Variants in CENPP observed in about 807,000 individuals in gnomAD.
CENPP encodes the protein centromere protein P.
CENPP carries 24 observed loss-of-function variants against 35.6 expected under a neutral mutation model. The observed-to-expected ratio is 0.67, with a 90% CI of 0.49 to 0.95. The LOEUF is 0.95. Among genes scored for constraint, CENPP ranks in the 40% least tolerant of loss-of-function variants. The probability of loss-of-function intolerance (pLI) is 0.00; values close to 1 mark genes in which losing one functional copy is unlikely to be tolerated. For synonymous variants in CENPP, 120 were observed against 125.5 expected (o/e 0.96, Z 0.29); for missense variants, 332 against 345.3 (o/e 0.96, Z 0.31).
chr9:92,490,912 G>C (rs1846157789), intron 5 of CENPP, among the ~76,000 whole-genome samples: 1 of 152,038 alleles, frequency 6.6e-6, no homozygotes, highest in African/African-American at 2.4e-5. Context: ...AATTTTGCAG[G>C]TTCCTTTCTT....
At chr9:92,605,330 A>T (rs1851046383) in intron 5 of CENPP, among the ~76,000 whole-genome samples, 1 of 151,884 alleles carries the variant, frequency 6.6e-6, no homozygotes, top group African/African-American at 2.4e-5. Flanking sequence ...AAATTTTCGT[A>T]TATGGTGTAC....
intron 5 of CENPP, among the ~76,000 whole-genome samples, chr9:92,548,019 A>G (rs936243408): frequency 6.6e-6 from 1 of 152,248 alleles, no homozygotes; most frequent in Non-Finnish European, 1.5e-5. Context: ...GTGGATATGT[A>G]TGTAAAAAAT....
At chr9:92,403,378 C>T (rs1554758106) in intron 5 of CENPP, 2 of 1,612,734 alleles carry the variant, frequency 1.2e-6, no homozygotes, top group Middle Eastern at 1.7e-4. Flanking sequence ...CAAGCAGTAA[C>T]AGGAGAAGTG....
intron 5 of CENPP, among the ~76,000 whole-genome samples, chr9:92,501,465 G>A (rs1846672383): frequency 6.6e-6 from 1 of 152,186 alleles, no homozygotes; most frequent in Admixed American, 6.5e-5. Flanking sequence ...AGTTTGGTTT[G>A]TTTTGGCTTG....
chr9:92,405,680 A>G (rs1843285717), intron 5 of CENPP, among the ~76,000 whole-genome samples: 2 of 152,222 alleles, frequency 1.3e-5, no homozygotes, highest in Admixed American at 1.3e-4. Flanking sequence ...TTAACAAGAT[A>G]TTGAGAAGTA....
At chr9:92,512,130 G>A (rs1438095448) in intron 5 of CENPP, 1 of 1,606,704 alleles carries the variant, frequency 6.2e-7, no homozygotes, top group Non-Finnish European at 8.5e-7. Flanking sequence ...GAATTGCCTA[G>A]GACACACAGC....
chr9:92,377,799 C>T (rs897446925), intron 4 of CENPP, among the ~76,000 whole-genome samples: 9 of 152,204 alleles, frequency 5.9e-5, no homozygotes, highest in African/African-American at 1.9e-4. Flanking sequence ...TACTTATGTA[C>T]TATCCTGAGG....
chr9:92,387,355 C>T lies in CENPP; in HGVS notation c.564+7496C>T, dbSNP rs574643760. On this transcript the variant is annotated intron_variant, in intron 5 of 7. Coordinates refer to ENST00000375587, the MANE Select transcript of CENPP (RefSeq NM_001012267.3). ...TGTGCCACTGCACTCCAGCCTGGGCCACAGAACGAGACTCCATCTCAAGAA... is the reference window on the plus strand; with the variant it reads ...TGTGCCACTGCACTCCAGCCTGGGCTACAGAACGAGACTCCATCTCAAGAA... Among the ~76,000 whole-genome samples the T allele has an allele frequency of 2.3e-3, 339 of 150,210 alleles. 2 individuals are homozygous for T. The highest frequency in any genetic ancestry group is 8.0e-3 in the African/African-American group (325 of 40,874).
intron 2 of CENPP, among the ~76,000 whole-genome samples, chr9:92,334,701 A>T (rs1324976413): frequency 6.8e-6 from 1 of 146,440 alleles, no homozygotes; most frequent in African/African-American, 2.5e-5. Flanking sequence ...CTAACATGGT[A>T]AAACCCCATC....
In CENPP at chr9:92,616,701, T is replaced by A. The variant is rs1166278969; in HGVS notation, c.*3552T>A. On this transcript the variant is annotated 3_prime_UTR_variant, in exon 8 of 8. Transcript: ENST00000375587. The stretch of plus-strand genomic sequence containing the variant: ...GGTTTTAACCTCAGAAGTCGTGTGC[T>A]TATAACAAGATGTGATTAATTATTT... The A allele has an allele frequency of 1.3e-5, 2 of 152,532 alleles. No individual in the cohort carries two copies. The highest frequency in any genetic ancestry group is 2.9e-5 in the Non-Finnish European group (2 of 68,334). The allele number at this position is 152,532 out of a possible 1,614,324, so 9.4% of individuals were successfully genotyped here. A position where few individuals can be genotyped will look rare whatever the true frequency, so the allele number is the denominator to read the frequency against.
rs78384019 is a variant in CENPP, at chr9:92,591,558, G to A, written c.565-19756G>A. Among the ~76,000 whole-genome samples, 5 of 151,504 alleles carry A rather than the reference G, an allele frequency of 3.3e-5. No individual in the cohort carries two copies. The East Asian group carries it at 9.7e-4, about 29-fold the overall frequency. ...CCAAAACGGCATTCCAGATACCACAGTATTAACAAAGGCTTGCAGATTGCC... is the reference window on the plus strand; with the variant it reads ...CCAAAACGGCATTCCAGATACCACAATATTAACAAAGGCTTGCAGATTGCC... On this transcript the variant is annotated intron_variant, in intron 5 of 7. Coordinates refer to ENST00000375587, the MANE Select transcript of CENPP (RefSeq NM_001012267.3).
chr9:92,467,036 A>C (rs1845340699), intron 5 of CENPP, among the ~76,000 whole-genome samples: 1 of 152,216 alleles, frequency 6.6e-6, no homozygotes. Flanking sequence ...CATTTCTCCC[A>C]GAACAGAGGC....
intron 3 of CENPP, among the ~76,000 whole-genome samples, chr9:92,341,125 A>G (rs1230116852): frequency 6.6e-6 from 1 of 152,154 alleles, no homozygotes; most frequent in Non-Finnish European, 1.5e-5. Flanking sequence ...CCAGTCTCCC[A>G]TAGCGCTCCC....
chr9:92,405,862 A>T (rs1168123549), intron 5 of CENPP, among the ~76,000 whole-genome samples: 1 of 152,246 alleles, frequency 6.6e-6, no homozygotes, highest in Non-Finnish European at 1.5e-5. Flanking sequence ...ATTTAATAAA[A>T]GTTTATTGAG....
At chr9:92,447,282 A>G (rs2131014114) in intron 5 of CENPP, among the ~76,000 whole-genome samples, 1 of 152,102 alleles carries the variant, frequency 6.6e-6, no homozygotes, top group East Asian at 1.9e-4. Context: ...CATCATGTAG[A>G]ATCAGTAGGA....
At chr9:92,483,293 A>G (rs1303626956) in intron 5 of CENPP, among the ~76,000 whole-genome samples, 2 of 151,568 alleles carry the variant, frequency 1.3e-5, no homozygotes, top group African/African-American at 4.9e-5. Flanking sequence ...CGGTGGCGCA[A>G]TCTTGGCTTA....
At chr9:92,436,354 G>A (rs1048463400) in intron 5 of CENPP, among the ~76,000 whole-genome samples, 3 of 152,170 alleles carry the variant, frequency 2.0e-5, no homozygotes, top group Admixed American at 6.5e-5. Flanking sequence ...TCTATTGCAT[G>A]CCTTTTCATC....
intron 5 of CENPP, chr9:92,522,739 GTTGAACT>G: frequency 6.2e-7 from 1 of 1,614,116 alleles, no homozygotes; most frequent in South Asian, 1.1e-5. Flanking sequence ...CTTGTGTGAG[GTTGAACT>G]TTTCCTCAAC....
chr9:92,467,819 G>C (rs970379018), intron 5 of CENPP, among the ~76,000 whole-genome samples: 1 of 152,094 alleles, frequency 6.6e-6, no homozygotes, highest in South Asian at 2.1e-4. Context: ...ACCAAGAAAG[G>C]GTAAGCCTAG....
Sources: allele counts gnomAD v4.1 joint callset (sites outside exome capture counted in the v4.1 genomes callset), GRCh38; gene constraint gnomAD v4.1.1; transcripts MANE v1.5; gene names NCBI Gene and HGNC (gene_info 2026-07-23, HGNC 2026-07-21).